The following ARHGAP28 variants were observed in gnomAD, a reference collection of about 807,000 sequenced individuals.
The protein encoded by ARHGAP28 is Rho GTPase activating protein 28, also known as rho GTPase-activating protein 28.
ARHGAP28 carries 56 observed loss-of-function variants against 90.7 expected under a neutral mutation model. The ratio of observed to expected loss-of-function variants is 0.62; its 90% CI spans 0.50 to 0.77. ARHGAP28 has a LOEUF of 0.77. ARHGAP28 is among the 30% of genes least tolerant of loss of function. The pLI, the probability that ARHGAP28 is intolerant of heterozygous loss-of-function variation, is 0.00. For synonymous variants in ARHGAP28, 308 were observed against 323.3 expected (o/e 0.95, Z 0.51); for missense variants, 869 against 900.9 (o/e 0.96, Z 0.45).
intron 1 of ARHGAP28, among the ~76,000 whole-genome samples, chr18:6,812,223 G>A (rs1050022534): frequency 3.3e-5 from 5 of 152,008 alleles, no homozygotes; most frequent in African/African-American, 1.2e-4. Context: ...TTTTAAAGAG[G>A]GAGCTTTAGA....
chr18:6,785,922 C>G (rs1004697638), intron 1 of ARHGAP28, among the ~76,000 whole-genome samples: 1 of 152,202 alleles, frequency 6.6e-6, no homozygotes, highest in Non-Finnish European at 1.5e-5. Context: ...GAGACTGTTT[C>G]ATGAAACTTT....
chr18:6,875,797 G>T (rs2057126571), intron 9 of ARHGAP28, among the ~76,000 whole-genome samples: 1 of 152,166 alleles, frequency 6.6e-6, no homozygotes. Context: ...TGATCAGTCT[G>T]CAGAAAGAGT....
chr18:6,847,804 G>A (rs2056878196), intron 3 of ARHGAP28, among the ~76,000 whole-genome samples: 1 of 152,148 alleles, frequency 6.6e-6, no homozygotes, highest in Non-Finnish European at 1.5e-5. Context: ...CTCACAGGAT[G>A]CAGCAAATAG....
intron 1 of ARHGAP28, among the ~76,000 whole-genome samples, chr18:6,792,158 G>A (rs1038484659): frequency 1.3e-5 from 2 of 152,168 alleles, no homozygotes; most frequent in African/African-American, 2.4e-5. Flanking sequence ...GATGGACGTA[G>A]AGGAAGGGAT....
chr18:6,730,017 G>A (rs57509765), intron 1 of ARHGAP28, 74 bp downstream of exon 1: 10 of 1,270,344 alleles, frequency 7.9e-6, no homozygotes, highest in Admixed American at 4.2e-5. Context: ...GCTGCGCCTT[G>A]TGCCTGAGCG....
chr18:6,897,038 G>A (rs1233261510), intron 16 of ARHGAP28: 3 of 159,178 alleles, frequency 1.9e-5, no homozygotes, highest in African/African-American at 7.2e-5. Context: ...TCAGCCTCCT[G>A]GGTAGCTGGG....
At chr18:6,822,040 T>C (rs528809586) in intron 1 of ARHGAP28, among the ~76,000 whole-genome samples, 1 of 152,052 alleles carries the variant, frequency 6.6e-6, no homozygotes, top group Non-Finnish European at 1.5e-5. Context: ...GGTATTACCG[T>C]ATTGGCTTGA....
At chr18:6,901,718 A>G (rs1235036398) in intron 16 of ARHGAP28, among the ~76,000 whole-genome samples, 1 of 152,160 alleles carries the variant, frequency 6.6e-6, no homozygotes, top group Non-Finnish European at 1.5e-5. Context: ...ACTATGATAA[A>G]TTATCAGAGC....
At chr18:6,883,812 T>C (rs2057198545) in intron 11 of ARHGAP28, among the ~76,000 whole-genome samples, 2 of 152,166 alleles carry the variant, frequency 1.3e-5, no homozygotes, top group Admixed American at 6.5e-5. Context: ...TTCTAAGCTT[T>C]AATTCACATG....
At chr18:6,883,772 G>T (rs1439579212) in intron 11 of ARHGAP28, among the ~76,000 whole-genome samples, 1 of 152,084 alleles carries the variant, frequency 6.6e-6, no homozygotes, top group African/African-American at 2.4e-5. Context: ...TGTCTTGAAA[G>T]AAGAGAATAT....
At chr18:6,873,323 AT>A (rs2057104412) in intron 7 of ARHGAP28, 85 bp from the exon 8 acceptor site, 2 of 1,155,092 alleles carry the variant, frequency 1.7e-6, no homozygotes, top group Non-Finnish European at 2.5e-6. Context: ...TACTGCATAG[AT>A]TTAGAGTGTC....
chr18:6,767,505 G>C (rs1779703354), intron 1 of ARHGAP28, among the ~76,000 whole-genome samples: 1 of 151,904 alleles, frequency 6.6e-6, no homozygotes, highest in Admixed American at 6.6e-5. Flanking sequence ...TTCTAGTGCA[G>C]ATTAGCTGGC....
At position 6,753,321 on chromosome 18, in the gene ARHGAP28, T is replaced by C. The variant is rs138237969; in HGVS notation, c.122+23378T>C. 4.7e-3 allele frequency among the ~76,000 whole-genome samples: 712 copies of C among 152,360 alleles called. 20 individuals carry two copies. Among genetic ancestry groups the C allele is most frequent in the Admixed American group, 0.042 (637 of 15,302 alleles). ...TGCTCTTGTCTAAAAAGAAATTTCTTCAAATTAGTCTTTAAATTTTTTTTG... is the reference window on the plus strand; with the variant it reads ...TGCTCTTGTCTAAAAAGAAATTTCTCCAAATTAGTCTTTAAATTTTTTTTG... On this transcript the variant is annotated intron_variant, in intron 1 of 17. Transcript: ENST00000383472.
intron 11 of ARHGAP28, among the ~76,000 whole-genome samples, chr18:6,883,722 G>C (rs908315927): frequency 6.6e-6 from 1 of 152,138 alleles, no homozygotes; most frequent in Non-Finnish European, 1.5e-5. Context: ...CTAAATCTTT[G>C]AATGTTTTAA....
intron 16 of ARHGAP28, among the ~76,000 whole-genome samples, chr18:6,905,066 G>A (rs1377872053): frequency 2.6e-5 from 4 of 151,654 alleles, no homozygotes; most frequent in Admixed American, 2.6e-4. Context: ...CTCATTTTAT[G>A]AAGCTTGTAT....
intron 1 of ARHGAP28, chr18:6,790,179 A>G (rs1026289818): frequency 1.3e-5 from 2 of 152,206 alleles, no homozygotes; most frequent in African/African-American, 2.4e-5. Context: ...ATTTTCATAA[A>G]TAACTTTTTA....
intron 14 of ARHGAP28, 23 bp downstream of exon 14, chr18:6,890,566 G>A (rs1305554264): frequency 6.7e-7 from 1 of 1,496,828 alleles, no homozygotes; most frequent in Non-Finnish European, 9.2e-7. Flanking sequence ...ATGAGGCATG[G>A]CGATTGTCCA....
At position 6,836,866 on chromosome 18, in the gene ARHGAP28, T is replaced by C. The variant is rs73384520; in HGVS notation, c.326-331T>C. 4.4e-3 allele frequency among the ~76,000 whole-genome samples: 668 copies of C among 152,278 alleles called. 4 individuals carry two copies. Among genetic ancestry groups the C allele is most frequent in the African/African-American group, 0.016 (651 of 41,552 alleles). The stretch of plus-strand genomic sequence containing the variant: ...AACCAATTTGTATTCCATTAAGTAA[T>C]GGGTTTTTTCTATTATAGTTTTACT... On this transcript the variant is annotated intron_variant, in intron 2 of 17. Transcript: ENST00000383472.
intron 15 of ARHGAP28, 76 bp from the exon 16 acceptor site, chr18:6,896,426 A>G: frequency 1.5e-5 from 23 of 1,530,384 alleles, no homozygotes; most frequent in Non-Finnish European, 2.0e-5. Flanking sequence ...ACTGATTTTC[A>G]TATCTCTTAA....
Sources: allele counts gnomAD v4.1 joint callset (sites outside exome capture counted in the v4.1 genomes callset), GRCh38; gene constraint gnomAD v4.1.1; transcripts MANE v1.5; gene names NCBI Gene and HGNC (gene_info 2026-07-23, HGNC 2026-07-21).